Variants in HNF4A observed in about 807,000 individuals in gnomAD.
HNF4A encodes hepatocyte nuclear factor 4 alpha.
In HNF4A, 15 loss-of-function variants were observed where a neutral mutation model predicts 52.4. The observed-to-expected ratio is 0.29, with a 90% CI of 0.19 to 0.44. HNF4A has a LOEUF of 0.44. HNF4A is among the 20% of genes least tolerant of loss of function. The probability of loss-of-function intolerance (pLI) is 1.00; values close to 1 mark genes in which losing one functional copy is unlikely to be tolerated. For synonymous variants in HNF4A, 280 were observed against 264.4 expected, an observed-to-expected ratio of 1.06 and a Z score of -0.57; for missense variants, 479 against 647.2, an observed-to-expected ratio of 0.74 and a Z score of 2.82.
rs182345347 is a variant in HNF4A at position 44,357,357 on chromosome 20, G to T, written c.49+1504G>T. Among the ~76,000 whole-genome samples the T allele has an allele frequency of 1.6e-4, 25 of 152,208 alleles. No individual in the cohort carries two copies. The East Asian group carries it at 4.4e-3, about 27-fold the overall frequency. ...GAGGAGATAGCATAGAGGAGATTAA[G>T]GGTGAGGCCACCCTTAATCCACAAT... On this transcript the variant is annotated intron_variant, in intron 1 of 9. Coordinates refer to the HNF4A transcript ENST00000316673.
At chr20:44,356,343 G>T (rs1410447960) in intron 1 of HNF4A, among the ~76,000 whole-genome samples, 2 of 152,164 alleles carry the variant, frequency 1.3e-5, no homozygotes, top group African/African-American at 4.8e-5. Flanking sequence ...GCCGCGCAGG[G>T]TGGAGCGTTG....
chr20:44,406,351 G>A, intron 2 of HNF4A, 119 bp downstream of exon 2: 1 of 835,556 alleles, frequency 1.2e-6, no homozygotes, highest in South Asian at 1.4e-5. Context: ...GGCCTTCAAG[G>A]CTCTTCTGGT....
At chr20:44,375,324 A>G (rs1389970323) in intron 1 of HNF4A, among the ~76,000 whole-genome samples, 1 of 152,084 alleles carries the variant, frequency 6.6e-6, no homozygotes, top group African/African-American at 2.4e-5. Flanking sequence ...TTGGATTCAG[A>G]GTTCGCAAAT....
intron 1 of HNF4A, among the ~76,000 whole-genome samples, chr20:44,368,421 C>T (rs1481038211): frequency 6.6e-6 from 1 of 151,638 alleles, no homozygotes; most frequent in Non-Finnish European, 1.5e-5. Flanking sequence ...CCTGCCTCGG[C>T]CTCCCAAAGT....
Position 44,406,049 on chromosome 20 carries a change from C to T in HNF4A, c.116-9C>T, listed in dbSNP as rs1171059467. Reference sequence around the variant, plus strand: ...TCCTGAAGCCTCACTCCCTTCTCTCCTGGCGCAGACACGTCCCCATCAGAA... The same window carrying T: ...TCCTGAAGCCTCACTCCCTTCTCTCTTGGCGCAGACACGTCCCCATCAGAA... On this transcript the variant is annotated splice_polypyrimidine_tract_variant and intron_variant, in intron 1 of 9. Transcript: ENST00000316099. 5 of 1,611,528 alleles carry T rather than the reference C, an allele frequency of 3.1e-6. No individual in the cohort carries two copies. Among genetic ancestry groups the T allele is most frequent in the Non-Finnish European group, 4.2e-6 (5 of 1,179,700 alleles).
At chr20:44,427,844 C>T (rs1451325308) in intron 8 of HNF4A, among the ~76,000 whole-genome samples, 1 of 152,148 alleles carries the variant, frequency 6.6e-6, no homozygotes, top group Non-Finnish European at 1.5e-5. Context: ...AAAAACATCT[C>T]TGACAGAAGC....
At chr20:44,390,772 G>A in intron 1 of HNF4A, 1 of 663,512 alleles carries the variant, frequency 1.5e-6, no homozygotes. Context: ...ACTGGGAGCA[G>A]TGTGGAGGAT....
At chr20:44,387,519 A>G (rs1406261674) in intron 1 of HNF4A, among the ~76,000 whole-genome samples, 1 of 151,272 alleles carries the variant, frequency 6.6e-6, no homozygotes, top group Non-Finnish European at 1.5e-5. Flanking sequence ...ATAAATGCAT[A>G]GGAAGTCATA....
At chr20:44,371,801 C>T (rs576158235) in intron 1 of HNF4A, among the ~76,000 whole-genome samples, 12 of 152,080 alleles carry the variant, frequency 7.9e-5, no homozygotes, top group East Asian at 7.8e-4. Context: ...CCAGCCTGGG[C>T]GACAGAGCAA....
chr20:44,387,992 G>C (rs2063251894), intron 1 of HNF4A, among the ~76,000 whole-genome samples: 1 of 152,140 alleles, frequency 6.6e-6, no homozygotes, highest in Non-Finnish European at 1.5e-5. Context: ...CTGAGGAAGG[G>C]GAGGTGAGTC....
At chr20:44,425,003 A>G (rs1173875624) in intron 8 of HNF4A, among the ~76,000 whole-genome samples, 2 of 152,194 alleles carry the variant, frequency 1.3e-5, no homozygotes, top group Non-Finnish European at 2.9e-5. Flanking sequence ...ATTCTTTGAG[A>G]CAAAGTCTCC....
chr20:44,367,998 C>T (rs2062987232), intron 1 of HNF4A, among the ~76,000 whole-genome samples: 1 of 149,236 alleles, frequency 6.7e-6, no homozygotes, highest in South Asian at 2.1e-4. Context: ...GTTTATCTCT[C>T]CTTCACGCAG....
intron 6 of HNF4A, among the ~76,000 whole-genome samples, 188 bp from the exon 7 acceptor site, chr20:44,419,533 G>A (rs750234619): frequency 5.9e-5 from 9 of 152,310 alleles, no homozygotes; most frequent in South Asian, 2.1e-4. Flanking sequence ...AAGCTCAGCC[G>A]GATGACTCAA....
chr20:44,389,300 G>T (rs1449467227), intron 1 of HNF4A, among the ~76,000 whole-genome samples: 1 of 152,130 alleles, frequency 6.6e-6, no homozygotes, highest in Non-Finnish European at 1.5e-5. Flanking sequence ...TCTGCAACCC[G>T]CCTCTCCACC....
At chr20:44,386,159 A>ATTTTTTTTTTTTTTTTTTTTTTTTTTT (rs35559000) in intron 1 of HNF4A, among the ~76,000 whole-genome samples, 1 of 73,062 alleles carries the variant, frequency 1.4e-5, no homozygotes, top group Non-Finnish European at 2.5e-5. Flanking sequence ...CCACCATCTG[A>ATTTTTTTTTTTTTTTTTTTTTTTTTTT]TTTTTTTTTT....
chr20:44,387,288 TAAAAAAAAAAAAA>T (rs537843651), intron 1 of HNF4A, among the ~76,000 whole-genome samples: 1 of 82,012 alleles, frequency 1.2e-5, no homozygotes, highest in South Asian at 4.2e-4. Context: ...AACTTCATCT[TAAAAAAAAAAAAA>T]AAAAAAAAAA....
chr20:44,419,097 T>C (rs112881022), intron 6 of HNF4A, among the ~76,000 whole-genome samples: 231 of 152,262 alleles, frequency 1.5e-3, no homozygotes, highest in Non-Finnish European at 2.7e-3. Context: ...TCTGATGTTC[T>C]TTCTGGAGTA....
chr20:44,406,362 T>TGC, intron 2 of HNF4A, 130 bp downstream of exon 2: 1 of 767,380 alleles, frequency 1.3e-6, no homozygotes. Context: ...CTCTTCTGGT[T>TGC]TTGTAAAAGA....
chr20:44,401,534 G>T (rs1428066330), intron 1 of HNF4A: 1 of 1,609,898 alleles, frequency 6.2e-7, no homozygotes, highest in Non-Finnish European at 8.5e-7. Context: ...GGGCAGGTGT[G>T]CCTGGGTCCA....
Sources: allele counts gnomAD v4.1 joint callset (sites outside exome capture counted in the v4.1 genomes callset), GRCh38; gene constraint gnomAD v4.1.1; transcripts MANE v1.5; gene names NCBI Gene and HGNC (gene_info 2026-07-23, HGNC 2026-07-21).